Variants in PTPRN2 observed in about 807,000 individuals in gnomAD.
PTPRN2 encodes receptor-type tyrosine-protein phosphatase N2.
A neutral mutation model predicts 118.8 loss-of-function variants in PTPRN2; 74 were observed. The observed-to-expected ratio is 0.62, with a 90% confidence interval of 0.52 to 0.76. The LOEUF (loss-of-function observed/expected upper bound fraction) is 0.76, where lower values mean the gene tolerates loss of function less well. Ranked by LOEUF, PTPRN2 falls within the 30% of genes least tolerant of loss-of-function variation. The pLI is 0.00. For missense variants in PTPRN2, 1,481 were observed against 1,394.4 expected, an observed-to-expected ratio of 1.06 and a Z score of -0.99; for synonymous variants, 641 against 608.0, an observed-to-expected ratio of 1.05 and a Z score of -0.80.
chr7:157,898,420 A>G (rs1378748839), intron 12 of PTPRN2, among the ~76,000 whole-genome samples: 3 of 152,238 alleles, frequency 2.0e-5, no homozygotes, highest in Admixed American at 1.3e-4. Context: ...CTTCTTAGCC[A>G]TGAATGCTTT....
At chr7:158,332,706 G>A (rs1045203950) in intron 2 of PTPRN2, among the ~76,000 whole-genome samples, 1 of 149,314 alleles carries the variant, frequency 6.7e-6, no homozygotes, top group Non-Finnish European at 1.5e-5. Flanking sequence ...GTTGACACCT[G>A]CAGATGTCAC....
intron 2 of PTPRN2, among the ~76,000 whole-genome samples, chr7:158,484,083 G>A (rs1198184679): frequency 6.6e-6 from 1 of 152,224 alleles, no homozygotes; most frequent in Non-Finnish European, 1.5e-5. Context: ...GTTCAAGGCT[G>A]CGTTAGGCTA....
intron 2 of PTPRN2, among the ~76,000 whole-genome samples, chr7:158,390,539 G>T (rs527880676): frequency 6.6e-6 from 1 of 152,136 alleles, no homozygotes; most frequent in Non-Finnish European, 1.5e-5. Flanking sequence ...TAGGACCATC[G>T]TGCTGGAGGG....
At chr7:158,102,195 A>G (rs1267870246) in intron 10 of PTPRN2, among the ~76,000 whole-genome samples, 1 of 152,054 alleles carries the variant, frequency 6.6e-6, no homozygotes, top group East Asian at 1.9e-4. Context: ...CCAGGAGGGA[A>G]CCTTCAGAAA....
intron 2 of PTPRN2, among the ~76,000 whole-genome samples, chr7:158,412,530 G>A (rs1434074219): frequency 1.3e-4 from 11 of 84,024 alleles, no homozygotes; most frequent in East Asian, 4.1e-4. Flanking sequence ...ACCCTCCTCA[G>A]CACCAGGGCC....
rs114060552 is a variant in PTPRN2 at position 157,798,451 on chromosome 7, T to C, written c.1788+100222A>G. On this transcript the variant is annotated intron_variant, in intron 12 of 22. Coordinates refer to ENST00000389418, the MANE Select transcript of PTPRN2 (RefSeq NM_002847.5). ...GTTTGCATCAGTAACAGACCGGCCA[T>C]TTCTCCCATTTGGCTGTACAGTCGT... 4.6e-3 allele frequency among the ~76,000 whole-genome samples: 706 copies of C among 152,046 alleles called. 10 individuals carry two copies. The highest frequency in any genetic ancestry group is 0.016 in the African/African-American group (671 of 41,438).
In PTPRN2 at chr7:157,619,128, C is replaced by G. The variant is rs370923674; in HGVS notation, c.2344+2234G>C. The stretch of plus-strand genomic sequence containing the variant: ...CATCACTAGGTCCCTCGCCCCCAAC[C>G]CCCCCATCCACACTGTACAGACAGA... On this transcript the variant is annotated intron_variant, in intron 15 of 22. Coordinates refer to ENST00000389418, the MANE Select transcript of PTPRN2 (RefSeq NM_002847.5). This position sits in a 1 kb window ranked among gnomAD's most constrained non-coding sequence, Gnocchi z 5.3. 9.9e-5 allele frequency among the ~76,000 whole-genome samples: 15 copies of G among 152,078 alleles called. No homozygotes were observed. The highest frequency in any genetic ancestry group is 1.3e-4 in the Non-Finnish European group (9 of 68,002).
Position 158,404,934 on chromosome 7 carries a change from G to A in PTPRN2, c.163+84801C>T, listed in dbSNP as rs1257309560. Among the ~76,000 whole-genome samples the A allele has an allele frequency of 1.6e-4, 19 of 116,512 alleles. No individual in the cohort carries two copies. The East Asian group carries it at 3.6e-3, about 22-fold the overall frequency. The allele number at this position is 116,512 out of a possible 152,430, so 76.4% of individuals were successfully genotyped here. On this transcript the variant is annotated intron_variant, in intron 2 of 22. Transcript: ENST00000389418. The stretch of plus-strand genomic sequence containing the variant: ...CCAGCTCCCTGGCTCCCAGCTCCCC[G>A]GCCCCAGCTCCCCAGCTCCCAGCTC...
At chr7:157,753,360 T>TA (rs1801595079) in intron 12 of PTPRN2, among the ~76,000 whole-genome samples, 1 of 152,096 alleles carries the variant, frequency 6.6e-6, no homozygotes, top group South Asian at 2.1e-4. Context: ...GTTGAGAACT[T>TA]ACAATAGGAA....
At chr7:157,559,008 A>G (rs1799042961) in intron 21 of PTPRN2, among the ~76,000 whole-genome samples, 1 of 152,232 alleles carries the variant, frequency 6.6e-6, no homozygotes, top group Admixed American at 6.5e-5. Context: ...GAGGGAGCCG[A>G]GGGGCCGCGT....
At chr7:158,076,215 T>C (rs1812343644) in intron 11 of PTPRN2, among the ~76,000 whole-genome samples, 1 of 152,236 alleles carries the variant, frequency 6.6e-6, no homozygotes, top group Non-Finnish European at 1.5e-5. Context: ...GGAGTTCCTC[T>C]TGTCTTGCTC....
rs934949016 is a variant in PTPRN2, at chr7:158,022,737, G to T, written c.1723+58561C>A. On this transcript the variant is annotated intron_variant, in intron 11 of 22. Transcript: ENST00000389418. This position sits in a 1 kb window ranked among gnomAD's most constrained non-coding sequence, Gnocchi z 4.6. ...TGCAGCAAAGCATCAGGCTGCCCACGCCAGAAGGCTTTCCCCCACGGAGGC... is the reference window on the plus strand; with the variant it reads ...TGCAGCAAAGCATCAGGCTGCCCACTCCAGAAGGCTTTCCCCCACGGAGGC... Among the ~76,000 whole-genome samples, 1 of 152,278 alleles carries T rather than the reference G, an allele frequency of 6.6e-6. No individual in the cohort carries two copies. The highest frequency in any genetic ancestry group is 1.5e-5 in the Non-Finnish European group (1 of 68,048).
In PTPRN2 at chr7:158,330,894, CCAT is replaced by C. The variant is rs1203880917; in HGVS notation, c.164-13965_164-13963del. ...GACGTCATTCACACCCAAACTCTCACCATAAGAGCTGACACCTGCAGACGTCAC... is the reference window on the plus strand; with the variant it reads ...GACGTCATTCACACCCAAACTCTCACAAGAGCTGACACCTGCAGACGTCAC... On this transcript the variant is annotated intron_variant, in intron 2 of 22. Transcript: ENST00000389418. Among the ~76,000 whole-genome samples, 10 of 107,566 alleles carry C rather than the reference CCAT, an allele frequency of 9.3e-5. 1 individual carries two copies. Among genetic ancestry groups the C allele is most frequent in the African/African-American group, 3.3e-4 (10 of 30,036 alleles). 70.6% of individuals were successfully genotyped at this position (107,566 alleles called of 152,430 possible). A position where few individuals can be genotyped will look rare whatever the true frequency, so the allele number is the denominator to read the frequency against.
rs567548823 is a variant in PTPRN2, at chr7:157,632,987, G to A, written c.2197-11478C>T. ...CTGCTGTCATTTCTGTCGGATTCCT[G>A]CCGATGTTGTGGTGGTCTAGTCATC... On this transcript the variant is annotated intron_variant, in intron 14 of 22. Coordinates refer to ENST00000389418, the MANE Select transcript of PTPRN2 (RefSeq NM_002847.5). The surrounding 1 kb of genome is among the most constrained non-coding windows in gnomAD (Gnocchi z 4.3). Among the ~76,000 whole-genome samples, 4 of 152,272 alleles carry A rather than the reference G, an allele frequency of 2.6e-5. No individual in the cohort carries two copies. Among genetic ancestry groups the A allele is most frequent in the African/African-American group, 9.6e-5 (4 of 41,552 alleles).
chr7:158,205,303 A>G, intron 3 of PTPRN2, 30 bp from the exon 4 acceptor site: 1 of 1,536,470 alleles, frequency 6.5e-7, no homozygotes. Flanking sequence ...AAATTATGTC[A>G]TCATTTTGGA....
Position 158,230,692 on chromosome 7 carries a change from T to C in PTPRN2, c.278-25419A>G, listed in dbSNP as rs142491899. ...CACATGCACTAAAAATAAAAAGCAA[T>C]GAATTAAAACATACTAGCAGAGAAA... is the stretch of plus-strand genomic sequence containing the variant. On this transcript the variant is annotated intron_variant, in intron 3 of 22. Coordinates refer to ENST00000389418, the MANE Select transcript of PTPRN2 (RefSeq NM_002847.5). 9.2e-4 allele frequency among the ~76,000 whole-genome samples: 139 copies of C among 151,200 alleles called. 1 individual carries two copies. In the East Asian group the frequency reaches 0.025, roughly 27 times the overall value.
intron 21 of PTPRN2, among the ~76,000 whole-genome samples, chr7:157,557,204 C>A (rs191803153): frequency 3.0e-4 from 45 of 151,428 alleles, no homozygotes; most frequent in African/African-American, 1.0e-3. Flanking sequence ...AACACACACA[C>A]CCCACTTACA....
intron 12 of PTPRN2, among the ~76,000 whole-genome samples, chr7:157,842,385 C>T (rs1808487685): frequency 6.7e-6 from 1 of 150,232 alleles, no homozygotes; most frequent in Non-Finnish European, 1.5e-5. Flanking sequence ...GGCTCAAATG[C>T]CGCTTTGTGT....
At chr7:158,023,562 G>A (rs566867648) in intron 11 of PTPRN2, among the ~76,000 whole-genome samples, 101 of 152,300 alleles carry the variant, frequency 6.6e-4, no homozygotes, top group African/African-American at 2.4e-3. Context: ...GCCGAGGAGC[G>A]AGTTCCTTGT....
Sources: gnomAD v4.1 joint callset for allele counts (sites outside exome capture counted in the v4.1 genomes callset) on GRCh38, gnomAD v4.1.1 for gene constraint, Gnocchi (gnomAD v3.1) non-coding constraint, MANE v1.5 for transcripts, NCBI Gene and HGNC (gene_info 2026-07-23, HGNC 2026-07-21) for gene names.